The following RBFOX1 variants were observed in gnomAD, a reference collection of about 807,000 sequenced individuals.
RBFOX1 encodes the protein RNA binding fox-1 homolog 1.
In RBFOX1, 8 loss-of-function variants were observed where a neutral mutation model predicts 57.7. The observed-to-expected ratio is 0.14, with a 90% CI of 0.08 to 0.25. The LOEUF (loss-of-function observed/expected upper bound fraction) is 0.25. Ranked by LOEUF, RBFOX1 falls within the 10% of genes least tolerant of loss-of-function variation. The probability of loss-of-function intolerance (pLI) is 1.00; values close to 1 mark genes in which losing one functional copy is unlikely to be tolerated. For synonymous variants in RBFOX1, 326 were observed against 222.4 expected (o/e 1.47, Z -4.15); for missense variants, 611 against 548.5 (o/e 1.11, Z -1.14).
intron 4 of RBFOX1, among the ~76,000 whole-genome samples, chr16:5,908,119 T>TACAC (rs1189265230): frequency 1.5e-5 from 2 of 137,618 alleles, no homozygotes; most frequent in African/African-American, 6.5e-5. Flanking sequence ...TACACATATA[T>TACAC]ACACATATAT....
At chr16:5,548,077 C>G (rs12443760) in intron 2 of RBFOX1, among the ~76,000 whole-genome samples, 39,099 of 149,942 alleles carry the variant, frequency 0.26, 6,634 homozygotes, top group East Asian at 0.86. Context: ...AGGAGAATCC[C>G]TTGAACCAGT....
At chr16:6,091,990 C>G (rs950821018) in intron 1 of RBFOX1, among the ~76,000 whole-genome samples, 13 of 152,188 alleles carry the variant, frequency 8.5e-5, no homozygotes, top group Admixed American at 4.6e-4. Flanking sequence ...CATTCATCCA[C>G]TCATTCCTCC....
chr16:5,838,166 C>G (rs145260661), intron 3 of RBFOX1: 1 of 157,326 alleles, frequency 6.4e-6, no homozygotes, highest in African/African-American at 2.4e-5. Flanking sequence ...CTGGAATCAT[C>G]CACTTTGTTC....
At chr16:5,455,023 C>CTTTCTTTCTTTCTT (rs1216518795) in intron 1 of RBFOX1, among the ~76,000 whole-genome samples, 2 of 111,670 alleles carry the variant, frequency 1.8e-5, no homozygotes, top group African/African-American at 3.2e-5. Context: ...TTCTTTCTTT[C>CTTTCTTTCTTTCTT]TCTCTCTCTG....
intron 4 of RBFOX1, among the ~76,000 whole-genome samples, chr16:7,111,738 T>G (rs1471981936): frequency 6.7e-6 from 1 of 148,588 alleles, no homozygotes; most frequent in Non-Finnish European, 1.5e-5. Flanking sequence ...ATAAAATTAT[T>G]CTGATTGTTA....
At chr16:6,297,258 T>G (rs1187402709) in intron 1 of RBFOX1, among the ~76,000 whole-genome samples, 1 of 152,152 alleles carries the variant, frequency 6.6e-6, no homozygotes, top group Non-Finnish European at 1.5e-5. Context: ...ATCCTCTGAC[T>G]TAGAATGCCT....
chr16:7,285,271 C>T (rs1603491571), intron 4 of RBFOX1, among the ~76,000 whole-genome samples: 1 of 151,792 alleles, frequency 6.6e-6, no homozygotes, highest in Non-Finnish European at 1.5e-5. Flanking sequence ...CAGTTTTCCC[C>T]AATGGTAACA....
chr16:6,883,026 G>C (rs553707805), intron 3 of RBFOX1, among the ~76,000 whole-genome samples: 3 of 152,272 alleles, frequency 2.0e-5, no homozygotes, highest in Admixed American at 6.5e-5. Context: ...AGATATTCTA[G>C]ATAACCCATA....
At chr16:5,922,295 C>G (rs781455003) in intron 4 of RBFOX1, among the ~76,000 whole-genome samples, 3 of 152,206 alleles carry the variant, frequency 2.0e-5, no homozygotes, top group Non-Finnish European at 4.4e-5. Context: ...ATCTCCAACA[C>G]TGGGATCACA....
chr16:6,969,301 T>C (rs1252745823), intron 3 of RBFOX1, among the ~76,000 whole-genome samples: 1 of 152,206 alleles, frequency 6.6e-6, no homozygotes, highest in Non-Finnish European at 1.5e-5. Flanking sequence ...CAACGAATCC[T>C]ATTTAGTGCG....
At chr16:6,627,782 T>C (rs1325927506) in intron 2 of RBFOX1, among the ~76,000 whole-genome samples, 1 of 152,106 alleles carries the variant, frequency 6.6e-6, no homozygotes, top group Non-Finnish European at 1.5e-5. Flanking sequence ...CTGAAGCCAA[T>C]TGATAAAATG....
At chr16:7,244,162 A>G (rs2152985491) in intron 4 of RBFOX1, among the ~76,000 whole-genome samples, 1 of 152,056 alleles carries the variant, frequency 6.6e-6, no homozygotes, top group Middle Eastern at 3.4e-3. Context: ...CTCCAGAGAA[A>G]AAAAATCAGA....
chr16:5,816,638 G>A (rs1031224505), intron 3 of RBFOX1, among the ~76,000 whole-genome samples: 6 of 152,092 alleles, frequency 3.9e-5, no homozygotes, highest in African/African-American at 1.4e-4. Context: ...TACAAAATTA[G>A]CCAGATGTCA....
chr16:6,150,344 G>T (rs1342836737), intron 1 of RBFOX1, among the ~76,000 whole-genome samples: 1 of 152,082 alleles, frequency 6.6e-6, no homozygotes, highest in Non-Finnish European at 1.5e-5. Context: ...AAAGGGCCTG[G>T]CAGAGAACCA....
In RBFOX1 at chr16:7,218,156, T is replaced by C. The variant is rs868638147; in HGVS notation, c.27+166058T>C. ...CTGAATCATCCCACCTTGCTGACTC[T>C]TTCTAACCCTATGATCCTTTGCCTG... On this transcript the variant is annotated intron_variant, in intron 4 of 15. Coordinates refer to ENST00000550418, the MANE Select transcript of RBFOX1 (RefSeq NM_018723.4). 3.1e-4 allele frequency among the ~76,000 whole-genome samples: 47 copies of C among 152,300 alleles called. No individual in the cohort carries two copies. In the Middle Eastern group the frequency reaches 0.014, roughly 44 times the overall value.
chr16:6,565,362 A>C (rs967048294), intron 2 of RBFOX1, among the ~76,000 whole-genome samples: 69 of 151,996 alleles, frequency 4.5e-4, no homozygotes, highest in African/African-American at 1.7e-3. Flanking sequence ...ATTCAAGCTG[A>C]TTCTCCTGCC....
chr16:7,108,885 C>T (rs761003683), intron 4 of RBFOX1, among the ~76,000 whole-genome samples: 1 of 152,124 alleles, frequency 6.6e-6, no homozygotes, highest in African/African-American at 2.4e-5. Flanking sequence ...TACTATGCAT[C>T]TGTGAAAAGA....
intron 3 of RBFOX1, among the ~76,000 whole-genome samples, chr16:5,673,288 C>G (rs902792199): frequency 1.3e-5 from 2 of 152,084 alleles, no homozygotes; most frequent in African/African-American, 4.8e-5. Flanking sequence ...CAGAAGGAAG[C>G]CTGTGCCTGG....
chr16:5,943,375 G>T (rs17138968), intron 4 of RBFOX1, among the ~76,000 whole-genome samples: 5,055 of 152,226 alleles, frequency 0.033, 308 homozygotes, highest in East Asian at 0.21. Flanking sequence ...ACCAAGCCTT[G>T]TAGGGTTTCC....
Sources: gnomAD v4.1 joint callset for allele counts (sites outside exome capture counted in the v4.1 genomes callset) on GRCh38, gnomAD v4.1.1 for gene constraint, MANE v1.5 for transcripts, NCBI Gene and HGNC (gene_info 2026-07-23, HGNC 2026-07-21) for gene names.